Variants in GPATCH2 observed in about 807,000 individuals in gnomAD.
GPATCH2 encodes the protein G-patch domain containing 2.
GPATCH2 carries 51 observed loss-of-function variants against 58.0 expected under a neutral mutation model. The ratio of observed to expected loss-of-function variants is 0.88; its 90% CI spans 0.70 to 1.11. GPATCH2 has a LOEUF of 1.11. GPATCH2 is among the 50% of genes most tolerant of loss of function. The pLI, the probability that GPATCH2 is intolerant of heterozygous loss-of-function variation, is 0.00. For missense variants in GPATCH2, 625 were observed against 652.2 expected (o/e 0.96, Z 0.45); for synonymous variants, 222 against 218.5 (o/e 1.02, Z -0.14).
At position 217,488,622 on chromosome 1, in the gene GPATCH2, C is replaced by T. The variant is rs150771586; in HGVS notation, c.1277+3058G>A. 6.1e-3 allele frequency among the ~76,000 whole-genome samples: 935 copies of T among 152,034 alleles called. 12 individuals are homozygous for T. Among genetic ancestry groups the T allele is most frequent in the Middle Eastern group, 0.014 (4 of 292 alleles). ...CATATACTGGATATTTCCAGTAAGT[C>T]CAACCTAATTAGTTCTGCTTTTAAC... On this transcript the variant is annotated intron_variant, in intron 8 of 9. Coordinates refer to ENST00000366935, the MANE Select transcript of GPATCH2 (RefSeq NM_018040.5).
rs558785472 is a variant in GPATCH2 at position 217,586,593 on chromosome 1, A to C, written c.1098+23728T>G. ...CTGTCTGAGGCTGTTTTACGGTTACATTTTTGAAGGAGGATACTCTAAAAT... is the reference window on the plus strand; with the variant it reads ...CTGTCTGAGGCTGTTTTACGGTTACCTTTTTGAAGGAGGATACTCTAAAAT... On this transcript the variant is annotated intron_variant, in intron 5 of 9. Coordinates refer to ENST00000366935, the MANE Select transcript of GPATCH2 (RefSeq NM_018040.5). Among the ~76,000 whole-genome samples the C allele has an allele frequency of 2.0e-5, 3 of 152,288 alleles. No individual in the cohort carries two copies. In the South Asian group the frequency reaches 6.2e-4, roughly 32 times the overall value.
At chr1:217,606,213 T>C (rs939886869) in intron 5 of GPATCH2, among the ~76,000 whole-genome samples, 4 of 150,958 alleles carry the variant, frequency 2.6e-5, no homozygotes, top group Non-Finnish European at 4.4e-5. Context: ...GCTATTCATT[T>C]AGCTTAAATG....
intron 2 of GPATCH2, among the ~76,000 whole-genome samples, chr1:217,617,047 AG>A (rs1668919706): frequency 1.3e-5 from 2 of 152,076 alleles, no homozygotes; most frequent in Non-Finnish European, 2.9e-5. Flanking sequence ...ACAGCTATAA[AG>A]ATCACACTAT....
At chr1:217,609,475 T>G in intron 5 of GPATCH2, 1 of 983,696 alleles carries the variant, frequency 1.0e-6, no homozygotes. Context: ...TAGTTATCAC[T>G]GTGGCTAATT....
In GPATCH2 at chr1:217,514,901, T is replaced by C. The variant is rs1338805786; in HGVS notation, c.1099-12A>G. ...CCAGGAATGGGTACCTACAGGGAGA[T>C]TTAAAAAGAAAAAATAAATTTCAGA... On this transcript the variant is annotated splice_polypyrimidine_tract_variant and intron_variant, in intron 5 of 9. Coordinates refer to ENST00000366935, the MANE Select transcript of GPATCH2 (RefSeq NM_018040.5). 1.5e-6 allele frequency: 2 copies of C among 1,335,032 alleles called. No homozygotes were observed. The highest frequency in any genetic ancestry group is 2.2e-6 in the Non-Finnish European group (2 of 927,822). The allele number at this position is 1,335,032 out of a possible 1,614,324, so 82.7% of individuals were successfully genotyped here.
At position 217,567,234 on chromosome 1, in the gene GPATCH2, C is replaced by T. The variant is rs75293375; in HGVS notation, c.1098+43087G>A. ...GCTAATTTTGTATTTTTACTAGAGA[C>T]GGGGTTTCTCCACGTTGGTCAGACT... On this transcript the variant is annotated intron_variant, in intron 5 of 9. Transcript: ENST00000366935. Among the ~76,000 whole-genome samples the T allele has an allele frequency of 4.9e-3, 747 of 152,104 alleles. 10 individuals carry two copies. Among genetic ancestry groups the T allele is most frequent in the African/African-American group, 0.018 (734 of 41,506 alleles).
chr1:217,616,658 T>C (rs1308920262), intron 2 of GPATCH2, among the ~76,000 whole-genome samples: 2 of 152,190 alleles, frequency 1.3e-5, no homozygotes, highest in Admixed American at 6.5e-5. Flanking sequence ...AGAACTTAAA[T>C]AGAAACAAGC....
chr1:217,614,051 C>T (rs1558526716), intron 3 of GPATCH2, 90 bp downstream of exon 3: 1 of 774,672 alleles, frequency 1.3e-6, no homozygotes, highest in Admixed American at 1.9e-5. Context: ...AAATGGATTG[C>T]AGTCATCAAC....
intron 8 of GPATCH2, among the ~76,000 whole-genome samples, chr1:217,470,583 AT>A (rs1660681880): frequency 6.6e-6 from 1 of 152,200 alleles, no homozygotes; most frequent in South Asian, 2.1e-4. Flanking sequence ...ATAACCCTCT[AT>A]GATCATTAGT....
chr1:217,463,640 CCAAAAAAAAAAA>C (rs1269286114), intron 8 of GPATCH2, among the ~76,000 whole-genome samples: 2 of 36,730 alleles, frequency 5.4e-5, no homozygotes, highest in African/African-American at 1.9e-4. Flanking sequence ...ACTTATCACT[CCAAAAAAAAAAA>C]AAAAAAAAAA....
intron 5 of GPATCH2, among the ~76,000 whole-genome samples, chr1:217,584,655 T>C (rs551014501): frequency 2.0e-5 from 3 of 151,986 alleles, no homozygotes; most frequent in Admixed American, 6.6e-5. Context: ...ATCAGAGGCA[T>C]GGAAGCAACC....
chr1:217,438,899 T>A (rs1192500068), intron 9 of GPATCH2, among the ~76,000 whole-genome samples: 2 of 152,136 alleles, frequency 1.3e-5, no homozygotes, highest in African/African-American at 4.8e-5. Flanking sequence ...ACAAAGAGAC[T>A]TAGACTTCCA....
At chr1:217,579,594 T>C (rs192858293) in intron 5 of GPATCH2, among the ~76,000 whole-genome samples, 2 of 152,298 alleles carry the variant, frequency 1.3e-5, no homozygotes, top group Admixed American at 1.3e-4. Context: ...AGACATAACA[T>C]TGGGGTTGAC....
At chr1:217,518,766 G>A (rs1663306285) in intron 5 of GPATCH2, among the ~76,000 whole-genome samples, 2 of 152,150 alleles carry the variant, frequency 1.3e-5, no homozygotes, top group African/African-American at 4.8e-5. Context: ...TAGTATAGCT[G>A]GTCCCCTTCA....
chr1:217,454,563 T>C (rs1425652805), intron 8 of GPATCH2, among the ~76,000 whole-genome samples: 8 of 111,078 alleles, frequency 7.2e-5, no homozygotes, highest in African/African-American at 2.8e-4. Flanking sequence ...CACTCCAGCC[T>C]GGGCGACAGA....
intron 8 of GPATCH2, among the ~76,000 whole-genome samples, chr1:217,459,576 T>G (rs752960045): frequency 6.6e-5 from 10 of 152,192 alleles, no homozygotes; most frequent in Admixed American, 3.9e-4. Context: ...TTATGCTCAT[T>G]GTAATTTGCT....
intron 5 of GPATCH2, among the ~76,000 whole-genome samples, chr1:217,550,549 C>T (rs1195020531): frequency 3.3e-5 from 5 of 151,886 alleles, no homozygotes; most frequent in South Asian, 4.1e-4. Context: ...GAATGACACT[C>T]GTCTATAAGT....
intron 5 of GPATCH2, among the ~76,000 whole-genome samples, chr1:217,605,705 A>T (rs1303097876): frequency 6.6e-6 from 1 of 152,218 alleles, no homozygotes; most frequent in Non-Finnish European, 1.5e-5. Flanking sequence ...AATTTTAAAA[A>T]GCTCTGACCT....
intron 8 of GPATCH2, among the ~76,000 whole-genome samples, chr1:217,487,126 C>T (rs1661488770): frequency 6.6e-6 from 1 of 152,168 alleles, no homozygotes; most frequent in African/African-American, 2.4e-5. Flanking sequence ...CCTCCTGTCT[C>T]AAGTCAAAGC....
Sources: gnomAD v4.1 joint callset for allele counts (sites outside exome capture counted in the v4.1 genomes callset) on GRCh38, gnomAD v4.1.1 for gene constraint, MANE v1.5 for transcripts, NCBI Gene and HGNC (gene_info 2026-07-23, HGNC 2026-07-21) for gene names.